The following PDGFRA variants were observed in gnomAD, a reference collection of about 807,000 sequenced individuals.
PDGFRA encodes the protein platelet derived growth factor receptor alpha.
In PDGFRA, 25 loss-of-function variants were observed where a neutral mutation model predicts 121.5. The observed-to-expected ratio is 0.21, with a 90% confidence interval of 0.15 to 0.29. The LOEUF is 0.29. Among genes scored for constraint, PDGFRA ranks in the 10% least tolerant of loss-of-function variants. The pLI, the probability that PDGFRA is intolerant of heterozygous loss-of-function variation, is 1.00. For synonymous variants in PDGFRA, 463 were observed against 494.8 expected (o/e 0.94, Z 0.85); for missense variants, 1,008 against 1,345.1 (o/e 0.75, Z 3.92).
chr4:54,283,850 C>G (rs1470631800), intron 16 of PDGFRA, among the ~76,000 whole-genome samples: 1 of 152,226 alleles, frequency 6.6e-6, no homozygotes, highest in Non-Finnish European at 1.5e-5. Context: ...AATCCTCTCA[C>G]TCATCCTCCC....
intron 1 of PDGFRA, among the ~76,000 whole-genome samples, chr4:54,234,170 G>A (rs1194864686): frequency 6.6e-6 from 1 of 152,210 alleles, no homozygotes; most frequent in African/African-American, 2.4e-5. Context: ...TCCCGGTGAT[G>A]GGGATGATGA....
At chr4:54,283,123 G>A (rs1291734725) in intron 16 of PDGFRA, among the ~76,000 whole-genome samples, 1 of 152,156 alleles carries the variant, frequency 6.6e-6, no homozygotes, top group Non-Finnish European at 1.5e-5. Flanking sequence ...ATTCATGGAG[G>A]ATGGTGGCCC....
At chr4:54,253,221 C>T (rs1722156721) in intron 1 of PDGFRA, among the ~76,000 whole-genome samples, 1 of 152,168 alleles carries the variant, frequency 6.6e-6, no homozygotes, top group Admixed American at 6.5e-5. Flanking sequence ...AGTAATCATT[C>T]TGAAATATTA....
intron 2 of PDGFRA, among the ~76,000 whole-genome samples, chr4:54,260,780 C>T (rs1722656059): frequency 6.6e-6 from 1 of 151,984 alleles, no homozygotes; most frequent in Admixed American, 6.6e-5. Flanking sequence ...TGCTTGAGCC[C>T]GTGCCATCTT....
chr4:54,270,554 A>C, intron 7 of PDGFRA, 79 bp from the exon 8 acceptor site: 1 of 803,116 alleles, frequency 1.2e-6, no homozygotes, highest in East Asian at 2.4e-5. Flanking sequence ...AATAAAACTT[A>C]AATTGAAGAG....
In PDGFRA at chr4:54,264,627, T is replaced by G. The variant is rs58727676; in HGVS notation, c.629-292T>G. 0.13 allele frequency: 47,411 copies of G among 361,544 alleles called. 4,205 individuals are homozygous for G. The highest frequency in any genetic ancestry group is 0.29 in the Admixed American group (6,865 of 23,934). The allele number at this position is 361,544 out of a possible 1,614,324, so 22.4% of individuals were successfully genotyped here. A position where few individuals can be genotyped will look rare whatever the true frequency, so the allele number is the denominator to read the frequency against. ...GAATAAATTTATTAGTCAAGGAGATTGTGGACGAGTATAACCATAACTAAC... is the reference window on the plus strand; with the variant it reads ...GAATAAATTTATTAGTCAAGGAGATGGTGGACGAGTATAACCATAACTAAC... On this transcript the variant is annotated intron_variant, in intron 4 of 22. Coordinates refer to ENST00000257290, the MANE Select transcript of PDGFRA (RefSeq NM_006206.6).
chr4:54,239,310 A>G (rs929082382), intron 1 of PDGFRA, among the ~76,000 whole-genome samples: 2 of 152,198 alleles, frequency 1.3e-5, no homozygotes, highest in African/African-American at 4.8e-5. Flanking sequence ...AGGTATACTC[A>G]CTCAAGCAGC....
At chr4:54,286,843 G>A (rs530196023) in intron 18 of PDGFRA, among the ~76,000 whole-genome samples, 51 of 152,256 alleles carry the variant, frequency 3.3e-4, no homozygotes, top group African/African-American at 1.1e-3. Flanking sequence ...TCATTTTGTT[G>A]TCTACTTGAA....
chr4:54,267,520 T>C (rs1560472942), intron 6 of PDGFRA, 32 bp from the exon 7 acceptor site: 3 of 1,613,776 alleles, frequency 1.9e-6, no homozygotes, highest in African/African-American at 2.7e-5. Flanking sequence ...TATGTGGTAA[T>C]CATTATTTAA....
chr4:54,257,829 C>T (rs1722456698), intron 1 of PDGFRA, among the ~76,000 whole-genome samples: 1 of 152,106 alleles, frequency 6.6e-6, no homozygotes, highest in Admixed American at 6.6e-5. Flanking sequence ...GCAACAGGAG[C>T]CCCCTTTTAG....
At chr4:54,242,657 GTGTT>G (rs1008075294) in intron 1 of PDGFRA, among the ~76,000 whole-genome samples, 6 of 151,786 alleles carry the variant, frequency 4.0e-5, no homozygotes, top group Non-Finnish European at 5.9e-5. Flanking sequence ...AGTGTTTTGT[GTGTT>G]TGTTGTTTGT....
intron 1 of PDGFRA, among the ~76,000 whole-genome samples, chr4:54,243,160 G>A (rs923316346): frequency 4.6e-5 from 7 of 152,198 alleles, no homozygotes; most frequent in Non-Finnish European, 8.8e-5. Flanking sequence ...GGGGAACATC[G>A]TTGCAGTGAA....
At chr4:54,253,913 G>T (rs1001834222) in intron 1 of PDGFRA, among the ~76,000 whole-genome samples, 12 of 152,088 alleles carry the variant, frequency 7.9e-5, no homozygotes, top group African/African-American at 2.4e-4. Context: ...TTGAACTCCT[G>T]ACCTCAAGTG....
intron 1 of PDGFRA, among the ~76,000 whole-genome samples, chr4:54,234,844 A>G (rs1560445324): frequency 6.6e-6 from 1 of 152,316 alleles, no homozygotes. Context: ...GTGATATTCA[A>G]AAGGATATGT....
intron 13 of PDGFRA, 42 bp from the exon 14 acceptor site, chr4:54,277,854 G>T (rs2110310409): frequency 7.8e-7 from 1 of 1,280,632 alleles, no homozygotes; most frequent in Non-Finnish European, 1.1e-6. Flanking sequence ...ACAGGAAGTT[G>T]GTAGCTCAGC....
chr4:54,261,081 G>A lies in PDGFRA; in HGVS notation c.50-14G>A, dbSNP rs2110241510. 1 of 1,612,920 alleles carries A rather than the reference G, an allele frequency of 6.2e-7. No individual in the cohort carries two copies. Among genetic ancestry groups the A allele is most frequent in the Non-Finnish European group, 8.5e-7 (1 of 1,178,916 alleles). Reference sequence around the variant, plus strand: ...TCTGACTGCATCCTATTCAGAGCGTGCTTCCTTTTGCAGGGCTGAGCCTAA... The same window carrying A: ...TCTGACTGCATCCTATTCAGAGCGTACTTCCTTTTGCAGGGCTGAGCCTAA... On this transcript the variant is annotated splice_polypyrimidine_tract_variant and intron_variant, in intron 2 of 22. Transcript: ENST00000257290.
At chr4:54,291,404 G>A (rs1205053732) in intron 22 of PDGFRA, among the ~76,000 whole-genome samples, 3 of 152,160 alleles carry the variant, frequency 2.0e-5, no homozygotes, top group African/African-American at 7.2e-5. Context: ...AAGGCATCAG[G>A]CAGCCAGTTA....
intron 7 of PDGFRA, among the ~76,000 whole-genome samples, chr4:54,269,285 A>G (rs932547490): frequency 3.3e-5 from 5 of 152,148 alleles, no homozygotes; most frequent in African/African-American, 9.7e-5. Context: ...GCTTTCACAC[A>G]TACAATCTCC....
At chr4:54,288,923 G>T (rs201859869) in intron 20 of PDGFRA, 25 bp downstream of exon 20, 1 of 1,564,896 alleles carries the variant, frequency 6.4e-7, no homozygotes, top group Admixed American at 1.7e-5. Flanking sequence ...CATCCCGGGG[G>T]CCTGTGTTCA....
Sources: gnomAD v4.1 joint callset for allele counts (sites outside exome capture counted in the v4.1 genomes callset) on GRCh38, gnomAD v4.1.1 for gene constraint, MANE v1.5 for transcripts, NCBI Gene and HGNC (gene_info 2026-07-23, HGNC 2026-07-21) for gene names.